The following YJEFN3 variants were observed in gnomAD, a reference collection of about 807,000 sequenced individuals.
The protein encoded by YJEFN3 is YjeF N-terminal domain containing 3.
A neutral mutation model predicts 31.5 loss-of-function variants in YJEFN3; 29 were observed. The ratio of observed to expected loss-of-function variants is 0.92; its 90% CI spans 0.69 to 1.26. The LOEUF (loss-of-function observed/expected upper bound fraction) is 1.26, where lower values mean the gene tolerates loss of function less well. Ranked by LOEUF, YJEFN3 falls within the 50% of genes most tolerant of loss-of-function variation. The pLI is 0.00. For synonymous variants in YJEFN3, 227 were observed against 196.1 expected, an observed-to-expected ratio of 1.16 and a Z score of -1.32; for missense variants, 442 against 425.4, an observed-to-expected ratio of 1.04 and a Z score of -0.34.
In YJEFN3 at chr19:19,537,350, G is replaced by A. The variant is rs763618828; in HGVS notation, c.726G>A (p.Glu242=). The change falls in exon 7 of 7, where the codon GAG becomes GAA. Residue 242 remains glutamate, a synonymous_variant. Transcript: ENST00000514277. ...ACGCAGAGACCGGCAGCGATTCGGA[G>A]GACGGGCTGCGGCCTGACGTGCTGG... ...GWDAETGSDS[E]DGLRPDVLVS... is the part of the protein sequence containing the mutation. 27 of 1,595,762 alleles carry A rather than the reference G, an allele frequency of 1.7e-5. No individual in the cohort carries two copies. In the East Asian group the frequency reaches 4.9e-4, roughly 29 times the overall value.
At chr19:19,532,363 C>T (rs1185174084) in intron 2 of YJEFN3, among the ~76,000 whole-genome samples, 1 of 152,250 alleles carries the variant, frequency 6.6e-6, no homozygotes, top group Non-Finnish European at 1.5e-5. Flanking sequence ...GTAGAACCAA[C>T]GCGCGGCCAG....
chr19:19,535,611 C>T lies in YJEFN3; in HGVS notation c.626C>T (p.Pro209Leu). 1 of 1,586,982 alleles carries T rather than the reference C, an allele frequency of 6.3e-7. No homozygotes were observed. Among genetic ancestry groups the T allele is most frequent in the Non-Finnish European group, 8.6e-7 (1 of 1,166,480 alleles). ...PGVEPGEVGG[P>L]CTRALATLKL... ...GTGGAGCCGGGCGAGGTCGGGGGCC[C>T]CTGCACCCGCGCGCTGGCCACGCTC... The change falls in exon 6 of 7, where the codon CCC (proline) becomes CTC (leucine). Residue 209 changes from proline (P) to leucine (L), a missense_variant. Transcript: ENST00000514277.
chr19:19,530,581 C>G (rs974587983), intron 2 of YJEFN3, among the ~76,000 whole-genome samples: 4 of 152,148 alleles, frequency 2.6e-5, no homozygotes, highest in Non-Finnish European at 5.9e-5. Context: ...CACCCTCCTG[C>G]GGGGGCAGCA....
Position 19,532,713 on chromosome 19 carries a change from T to G in YJEFN3, c.291T>G (p.Gly97=). Residue 97 remains glycine (G), a synonymous_variant, in exon 3 of 7, where the codon GGT becomes GGG. Transcript: ENST00000514277. ...GGCAGCAGCTCGTGGAGCTGTGCGG[T>G]CATGCTAGTGCCGTGGCTGTGACCA... is the stretch of plus-strand genomic sequence containing the variant. ...FGRQQLVELC[G]HASAVAVTKA... The G allele has an allele frequency of 6.4e-7, 1 of 1,574,138 alleles. No individual in the cohort carries two copies. Among genetic ancestry groups the G allele is most frequent in the Non-Finnish European group, 8.6e-7 (1 of 1,165,858 alleles).
At chr19:19,529,657 C>T in intron 2 of YJEFN3, 144 bp downstream of exon 2, 1 of 1,108,378 alleles carries the variant, frequency 9.0e-7, no homozygotes, top group Non-Finnish European at 1.3e-6. Context: ...CCACTGCCCA[C>T]CTAGCAGGGC....
intron 3 of YJEFN3, chr19:19,533,392 G>C: frequency 1.0e-6 from 1 of 986,152 alleles, no homozygotes; most frequent in South Asian, 4.7e-5. Flanking sequence ...CGAGGCTCTA[G>C]CGTGACTGCC....
Position 19,534,895 on chromosome 19 carries a change from G to A in YJEFN3, c.319-139G>A. ...CCCAAGAGGCCCAACCCCTCATCCA[G>A]AACAGCTCACCTCCTGTCCTATCCT... On this transcript the variant is annotated intron_variant, in intron 3 of 6. Coordinates refer to ENST00000514277, the MANE Select transcript of YJEFN3 (RefSeq NM_198537.4). This position sits in a 1 kb window ranked among gnomAD's most constrained non-coding sequence, Gnocchi z 4.6. The A allele has an allele frequency of 1.6e-6, 1 of 610,540 alleles. No homozygotes were observed. The allele number at this position is 610,540 out of a possible 1,614,324, so 37.8% of individuals were successfully genotyped here. A position where few individuals can be genotyped will look rare whatever the true frequency, so the allele number is the denominator to read the frequency against.
At chr19:19,533,963 T>C (rs2061182604) in intron 3 of YJEFN3, 2 of 985,492 alleles carry the variant, frequency 2.0e-6, no homozygotes, top group Non-Finnish European at 2.4e-6. Context: ...CGCTAAGCCT[T>C]TGGGGAGGAT....
chr19:19,533,806 C>T, intron 3 of YJEFN3: 1 of 985,492 alleles, frequency 1.0e-6, no homozygotes, highest in Non-Finnish European at 1.2e-6. Flanking sequence ...GTAGTCACTA[C>T]TCGCCTGGCG....
In YJEFN3 at chr19:19,534,887, C is replaced by T. The variant is rs534120958; in HGVS notation, c.319-147C>T. The T allele has an allele frequency of 1.3e-5, 7 of 543,720 alleles. No homozygotes were observed. Among genetic ancestry groups the T allele is most frequent in the African/African-American group, 7.6e-5 (4 of 52,526 alleles). The allele number at this position is 543,720 out of a possible 1,614,324, so 33.7% of individuals were successfully genotyped here. A position where few individuals can be genotyped will look rare whatever the true frequency, so the allele number is the denominator to read the frequency against. The stretch of plus-strand genomic sequence containing the variant: ...ACTGAGGCCCCAAGAGGCCCAACCC[C>T]TCATCCAGAACAGCTCACCTCCTGT... On this transcript the variant is annotated intron_variant, in intron 3 of 6. Coordinates refer to ENST00000514277, the MANE Select transcript of YJEFN3 (RefSeq NM_198537.4). This position sits in a 1 kb window ranked among gnomAD's most constrained non-coding sequence, Gnocchi z 4.6.
Position 19,529,504 on chromosome 19 carries a change from T to G in YJEFN3, c.200T>G (p.Val67Gly). The change falls in exon 2 of 7, where the codon GTT becomes GGT. Residue 67 changes from valine (V) to glycine (G), a missense_variant. Transcript: ENST00000514277. ...WLEQIWNAGP[V>G]CQSTAEAAAL... ...GAGCAGATTTGGAACGCAGGGCCTG[T>G]TTGCCAGAGGTTGGTGAGTTTGGGA... The G allele has an allele frequency of 6.2e-7, 1 of 1,613,666 alleles. No individual in the cohort carries two copies. The highest frequency in any genetic ancestry group is 8.5e-7 in the Non-Finnish European group (1 of 1,179,736).
At position 19,535,603 on chromosome 19, in the gene YJEFN3, C is replaced by G. The variant is rs569663620; in HGVS notation, c.618C>G (p.Val206=). Residue 206 remains valine, a synonymous_variant, in exon 6 of 7, where the codon GTC becomes GTG. Coordinates refer to ENST00000514277, the MANE Select transcript of YJEFN3 (RefSeq NM_198537.4). ...VLGPGVEPGE[V]GGPCTRALAT... ...GCCCCGGCGTGGAGCCGGGCGAGGT[C>G]GGGGGCCCCTGCACCCGCGCGCTGG... is the stretch of plus-strand genomic sequence containing the variant. 6.3e-7 allele frequency: 1 copy of G among 1,584,690 alleles called. No individual in the cohort carries two copies. Among genetic ancestry groups the G allele is most frequent in the African/African-American group, 1.4e-5 (1 of 74,050 alleles).
intron 1 of YJEFN3, 28 bp downstream of exon 1, chr19:19,529,019 C>T (rs117136857): frequency 0.013 from 20,519 of 1,549,894 alleles, 170 homozygotes; most frequent in Middle Eastern, 0.024. Flanking sequence ...AAGCTGGAGA[C>T]GGGCATGGTT....
At chr19:19,533,875 T>C (rs2061181987) in intron 3 of YJEFN3, 4 of 985,386 alleles carry the variant, frequency 4.1e-6, no homozygotes, top group African/African-American at 1.7e-5. Context: ...CAGAAGCCCC[T>C]CAGTCCCAGT....
intron 6 of YJEFN3, chr19:19,535,882 C>T: frequency 1.4e-6 from 1 of 709,522 alleles, no homozygotes; most frequent in South Asian, 1.7e-5. Flanking sequence ...CAGGTCTCCT[C>T]TTTCCTCCAC....
rs56747140 is a variant in YJEFN3, at chr19:19,531,718, C to CTTTTTTTTTTTTTTTTTTTT, written c.210-903_210-884dup. ...GCCACATTTTCTGGCAACAAATAAC[C>CTTTTTTTTTTTTTTTTTTTT]TTTTTTTTTTTTTTTTTTTTTTTTT... On this transcript the variant is annotated intron_variant, in intron 2 of 6. Transcript: ENST00000514277. Among the ~76,000 whole-genome samples, 17 of 75,864 alleles carry CTTTTTTTTTTTTTTTTTTTT rather than the reference C, an allele frequency of 2.2e-4. 1 individual carries two copies. The highest frequency in any genetic ancestry group is 1.2e-3 in the African/African-American group (16 of 13,252). The allele number at this position is 75,864 out of a possible 152,430, so 49.8% of individuals were successfully genotyped here. A position where few individuals can be genotyped will look rare whatever the true frequency, so the allele number is the denominator to read the frequency against.
chr19:19,532,338 C>G (rs1157083390), intron 2 of YJEFN3, among the ~76,000 whole-genome samples: 2 of 152,282 alleles, frequency 1.3e-5, no homozygotes, highest in Non-Finnish European at 2.9e-5. Flanking sequence ...GTTCCGTGTC[C>G]CACGCTTTGG....
chr19:19,533,257 A>G, intron 3 of YJEFN3: 2 of 987,096 alleles, frequency 2.0e-6, no homozygotes, highest in Non-Finnish European at 2.4e-6. Context: ...CAATAATCAT[A>G]CTATGGAGTG....
Position 19,534,950 on chromosome 19 carries a change from C to A in YJEFN3, c.319-84C>A. 8.1e-7 allele frequency: 1 copy of A among 1,232,692 alleles called. No homozygotes were observed. Among genetic ancestry groups the A allele is most frequent in the Non-Finnish European group, 1.1e-6 (1 of 897,300 alleles). The allele number at this position is 1,232,692 out of a possible 1,614,324, so 76.4% of individuals were successfully genotyped here. Reference sequence around the variant, plus strand: ...CCTCCAGGCCCAAGCCCCATCCCTTCCCCTACTCCGGGCCTCAGTTTCCTC... The same window carrying A: ...CCTCCAGGCCCAAGCCCCATCCCTTACCCTACTCCGGGCCTCAGTTTCCTC... On this transcript the variant is annotated intron_variant, in intron 3 of 6. Coordinates refer to ENST00000514277, the MANE Select transcript of YJEFN3 (RefSeq NM_198537.4). The surrounding 1 kb of genome is among the most constrained non-coding windows in gnomAD (Gnocchi z 4.6).
Sources: allele counts gnomAD v4.1 joint callset (sites outside exome capture counted in the v4.1 genomes callset), GRCh38; gene constraint gnomAD v4.1.1; non-coding constraint Gnocchi (gnomAD v3.1); transcripts MANE v1.5; gene names NCBI Gene and HGNC (gene_info 2026-07-23, HGNC 2026-07-21).